TRIQK: variants seen among roughly 807,000 people sequenced by gnomAD.
TRIQK encodes triple QxxK/R motif containing.
In TRIQK, 10 loss-of-function variants were observed where a neutral mutation model predicts 10.8. The observed-to-expected ratio is 0.92, with a 90% CI of 0.57 to 1.57. TRIQK has a LOEUF of 1.57. Among genes scored for constraint, TRIQK ranks in the 40% most tolerant of loss-of-function variants. The probability of loss-of-function intolerance (pLI) is 0.00; values close to 1 mark genes in which losing one functional copy is unlikely to be tolerated. For missense variants in TRIQK, 107 were observed against 97.7 expected (o/e 1.09, Z -0.40); for synonymous variants, 33 against 33.7 (o/e 0.98, Z 0.07).
chr8:92,904,225 C>G (rs1809121354), intron 3 of TRIQK, among the ~76,000 whole-genome samples: 1 of 152,192 alleles, frequency 6.6e-6, no homozygotes, highest in South Asian at 2.1e-4. Flanking sequence ...TACATGGGCT[C>G]AAATGATAAT....
intron 2 of TRIQK, among the ~76,000 whole-genome samples, chr8:92,946,570 G>A (rs543594313): frequency 3.9e-5 from 6 of 152,056 alleles, no homozygotes; most frequent in Non-Finnish European, 5.9e-5. Context: ...GCTCAGATCA[G>A]AAAATGAGAT....
chr8:92,971,918 ATTCT>A (rs1812880691), intron 1 of TRIQK, among the ~76,000 whole-genome samples: 1 of 152,110 alleles, frequency 6.6e-6, no homozygotes. Context: ...AGTTGTGTTA[ATTCT>A]TTCATTATAT....
intron 1 of TRIQK, among the ~76,000 whole-genome samples, chr8:93,006,672 T>C (rs2130760548): frequency 6.6e-6 from 1 of 152,316 alleles, no homozygotes; most frequent in Middle Eastern, 3.4e-3. Flanking sequence ...CTGTCAGTGC[T>C]GGGGAGACCG....
chr8:93,005,169 T>G (rs983603979), intron 1 of TRIQK, among the ~76,000 whole-genome samples: 2 of 152,208 alleles, frequency 1.3e-5, no homozygotes, highest in Non-Finnish European at 2.9e-5. Context: ...GTTTAATTGA[T>G]TCACATTTCC....
At chr8:92,897,384 G>C (rs370027577) in intron 3 of TRIQK, among the ~76,000 whole-genome samples, 1 of 152,156 alleles carries the variant, frequency 6.6e-6, no homozygotes, top group Non-Finnish European at 1.5e-5. Context: ...GTCCTGAAAA[G>C]TTCATGTTTT....
intron 3 of TRIQK, among the ~76,000 whole-genome samples, chr8:92,905,842 G>C (rs1300248676): frequency 6.6e-6 from 1 of 152,118 alleles, no homozygotes; most frequent in Non-Finnish European, 1.5e-5. Context: ...ACCCCCTTCA[G>C]CAAGTAGCAT....
intron 1 of TRIQK, among the ~76,000 whole-genome samples, chr8:92,962,673 T>C (rs1477492612): frequency 2.0e-5 from 3 of 152,170 alleles, no homozygotes; most frequent in African/African-American, 7.2e-5. Flanking sequence ...CCACTTCTTC[T>C]TCACAGCTTA....
intron 1 of TRIQK, among the ~76,000 whole-genome samples, chr8:93,000,013 A>G (rs953164988): frequency 2.1e-4 from 32 of 152,100 alleles, no homozygotes; most frequent in African/African-American, 6.0e-4. Flanking sequence ...TATACTTTCA[A>G]CTTCCATCAT....
At chr8:92,911,290 A>T (rs1809553039) in intron 3 of TRIQK, among the ~76,000 whole-genome samples, 1 of 151,494 alleles carries the variant, frequency 6.6e-6, no homozygotes, top group Admixed American at 6.6e-5. Flanking sequence ...CAGAAGAGAT[A>T]AATAGAAAGA....
At chr8:92,980,365 G>C (rs887338540) in intron 1 of TRIQK, among the ~76,000 whole-genome samples, 1 of 151,502 alleles carries the variant, frequency 6.6e-6, no homozygotes, top group Admixed American at 6.6e-5. Flanking sequence ...TGGCATATGG[G>C]GGTGTGTGTG....
intron 1 of TRIQK, among the ~76,000 whole-genome samples, chr8:93,014,943 T>C (rs1237737662): frequency 6.6e-6 from 1 of 152,062 alleles, no homozygotes; most frequent in Non-Finnish European, 1.5e-5. Flanking sequence ...AATGTAGCCA[T>C]ATAATGTGTT....
At chr8:92,894,488 G>A (rs1808490316) in intron 3 of TRIQK, among the ~76,000 whole-genome samples, 2 of 151,886 alleles carry the variant, frequency 1.3e-5, no homozygotes, top group Non-Finnish European at 2.9e-5. Flanking sequence ...GATTTTATAT[G>A]TAGACTGTTT....
chr8:93,010,944 A>G (rs1797662117), intron 1 of TRIQK, among the ~76,000 whole-genome samples: 1 of 152,170 alleles, frequency 6.6e-6, no homozygotes, highest in East Asian at 1.9e-4. Context: ...CAATTAATTT[A>G]CTGTTTCTCT....
At chr8:92,977,805 T>A (rs1812949058) in intron 1 of TRIQK, among the ~76,000 whole-genome samples, 1 of 152,174 alleles carries the variant, frequency 6.6e-6, no homozygotes, top group Non-Finnish European at 1.5e-5. Flanking sequence ...TCTTTTGAAG[T>A]ACAATTGTCA....
intron 1 of TRIQK, among the ~76,000 whole-genome samples, chr8:92,959,463 T>C (rs187117567): frequency 6.9e-6 from 1 of 144,350 alleles, no homozygotes; most frequent in East Asian, 2.0e-4. Flanking sequence ...GGGTATACCA[T>C]CAGTTATATA....
At chr8:92,888,506 T>G (rs1266007422) in intron 4 of TRIQK, among the ~76,000 whole-genome samples, 1 of 151,572 alleles carries the variant, frequency 6.6e-6, no homozygotes, top group Non-Finnish European at 1.5e-5. Context: ...GCAAATAATT[T>G]TCTCCAAAAA....
At chr8:92,966,657 T>C (rs1018175719), upstream of TRIQK, among the ~76,000 whole-genome samples, 1 of 152,174 alleles carries the variant, frequency 6.6e-6, no homozygotes, top group African/African-American at 2.4e-5. Flanking sequence ...TATTAAGATG[T>C]TACTTATTGG....
chr8:92,961,997 C>G (rs1215820637), intron 1 of TRIQK, among the ~76,000 whole-genome samples: 1 of 152,108 alleles, frequency 6.6e-6, no homozygotes, highest in Non-Finnish European at 1.5e-5. Flanking sequence ...TATTGTTTAA[C>G]ATTTCAAAAT....
At chr8:93,002,519 A>ATCT (rs1290174542) in intron 1 of TRIQK, among the ~76,000 whole-genome samples, 9 of 152,214 alleles carry the variant, frequency 5.9e-5, no homozygotes, top group Non-Finnish European at 1.3e-4. Flanking sequence ...AAATGAACAA[A>ATCT]AGCATTGGAC....
Sources: allele counts gnomAD v4.1 joint callset (sites outside exome capture counted in the v4.1 genomes callset), GRCh38; gene constraint gnomAD v4.1.1; transcripts MANE v1.5; gene names NCBI Gene and HGNC (gene_info 2026-07-23, HGNC 2026-07-21).